Variants in ERBB4 observed in about 807,000 individuals in gnomAD.
ERBB4 encodes the protein receptor tyrosine-protein kinase erbB-4.
ERBB4 carries 42 observed loss-of-function variants against 158.0 expected under a neutral mutation model. That is an observed-to-expected ratio of 0.27 (90% confidence interval 0.21 to 0.34). The LOEUF (loss-of-function observed/expected upper bound fraction) is 0.34. Among genes scored for constraint, ERBB4 ranks in the 10% least tolerant of loss-of-function variants. The probability of loss-of-function intolerance (pLI) is 1.00; values close to 1 mark genes in which losing one functional copy is unlikely to be tolerated. For synonymous variants in ERBB4, 583 were observed against 558.7 expected, an observed-to-expected ratio of 1.04 and a Z score of -0.61; for missense variants, 1,333 against 1,624.1, an observed-to-expected ratio of 0.82 and a Z score of 3.08.
At chr2:211,888,614 T>C (rs1054413580) in intron 3 of ERBB4, among the ~76,000 whole-genome samples, 1 of 152,106 alleles carries the variant, frequency 6.6e-6, no homozygotes, top group African/African-American at 2.4e-5. Flanking sequence ...AGACGGGTGA[T>C]TTCTGCATTT....
intron 1 of ERBB4, among the ~76,000 whole-genome samples, chr2:212,378,929 T>G (rs1430208513): frequency 6.6e-6 from 1 of 151,836 alleles, no homozygotes; most frequent in African/African-American, 2.4e-5. Flanking sequence ...TTAGGTGAGG[T>G]TCTAAAATAT....
chr2:212,418,062 C>G (rs1259817217), intron 1 of ERBB4, among the ~76,000 whole-genome samples: 2 of 151,950 alleles, frequency 1.3e-5, no homozygotes, highest in Non-Finnish European at 2.9e-5. Flanking sequence ...AAGGCCCTTA[C>G]AAATAACTGA....
intron 2 of ERBB4, among the ~76,000 whole-genome samples, chr2:211,968,645 C>A (rs2081370834): frequency 6.6e-6 from 1 of 151,936 alleles, no homozygotes; most frequent in Admixed American, 6.6e-5. Flanking sequence ...CTGAAAATGA[C>A]CATTGGCTTG....
intron 19 of ERBB4, among the ~76,000 whole-genome samples, chr2:211,582,295 T>C (rs757219935): frequency 6.6e-6 from 1 of 152,292 alleles, no homozygotes; most frequent in Non-Finnish European, 1.5e-5. Flanking sequence ...TATTCCCACA[T>C]AACAAACTCT....
intron 1 of ERBB4, among the ~76,000 whole-genome samples, chr2:212,348,010 T>A (rs2089088177): frequency 6.6e-6 from 1 of 152,084 alleles, no homozygotes; most frequent in African/African-American, 2.4e-5. Flanking sequence ...TGGAGGGGTA[T>A]TTTGTCATTT....
intron 1 of ERBB4, among the ~76,000 whole-genome samples, chr2:212,516,021 T>C (rs1205865034): frequency 6.6e-6 from 1 of 151,998 alleles, no homozygotes; most frequent in Non-Finnish European, 1.5e-5. Flanking sequence ...CTAAATGTGT[T>C]GGTCCAAATA....
chr2:211,921,784 G>T (rs890407353), intron 3 of ERBB4, among the ~76,000 whole-genome samples: 1 of 152,036 alleles, frequency 6.6e-6, no homozygotes, highest in Non-Finnish European at 1.5e-5. Flanking sequence ...TCATGGAAAA[G>T]AGTTGGAAGA....
At chr2:211,913,430 G>A (rs115459682) in intron 3 of ERBB4, among the ~76,000 whole-genome samples, 9,409 of 151,784 alleles carry the variant, frequency 0.062, 441 homozygotes, top group Non-Finnish European at 0.09. Flanking sequence ...GTGAAACCTC[G>A]TCTCGACTAA....
chr2:212,025,714 T>A (rs1348481533), intron 2 of ERBB4, among the ~76,000 whole-genome samples: 1 of 151,688 alleles, frequency 6.6e-6, no homozygotes, highest in Non-Finnish European at 1.5e-5. Flanking sequence ...ATACTCAAAC[T>A]GAAAACTAGT....
chr2:211,860,671 A>G (rs1228397564), intron 3 of ERBB4, among the ~76,000 whole-genome samples: 1 of 141,804 alleles, frequency 7.1e-6, no homozygotes, highest in Non-Finnish European at 1.6e-5. Flanking sequence ...TTTTTGCCAT[A>G]TAAATACTTA....
chr2:211,629,343 C>T (rs12151575), intron 17 of ERBB4, among the ~76,000 whole-genome samples: 105,042 of 151,456 alleles, frequency 0.69, 39,064 homozygotes, highest in South Asian at 0.85. Flanking sequence ...TTACAAGGGA[C>T]GTGAAGGACC....
intron 1 of ERBB4, among the ~76,000 whole-genome samples, chr2:212,341,787 A>G (rs1169010298): frequency 6.6e-6 from 1 of 152,202 alleles, no homozygotes; most frequent in Admixed American, 6.5e-5. Context: ...TTGATCTCTG[A>G]GTTTACCTTG....
chr2:211,745,763 A>T lies in ERBB4; in HGVS notation c.622+4876T>A, dbSNP rs569073363. On this transcript the variant is annotated intron_variant, in intron 5 of 27. Coordinates refer to ENST00000342788, the MANE Select transcript of ERBB4 (RefSeq NM_005235.3). ...AAAAAACCCTTAGGTAAGTATACTTATCTCCATTTTATAGATATGGTAATG... is the reference window on the plus strand; with the variant it reads ...AAAAAACCCTTAGGTAAGTATACTTTTCTCCATTTTATAGATATGGTAATG... Among the ~76,000 whole-genome samples the T allele has an allele frequency of 2.5e-4, 38 of 150,498 alleles. No homozygotes were observed. In the South Asian group the frequency reaches 7.9e-3, roughly 31 times the overall value.
rs191671297 is a variant in ERBB4, at chr2:211,539,577, T to C, written c.2487+22326A>G. On this transcript the variant is annotated intron_variant, in intron 20 of 27. Transcript: ENST00000342788. ...ATACATAAATGTCATTCACACACCT[T>C]AAAGCTTTATGGCTCCCTTTCTGCC... Among the ~76,000 whole-genome samples, 163 of 152,084 alleles carry C rather than the reference T, an allele frequency of 1.1e-3. 1 individual carries two copies. The highest frequency in any genetic ancestry group is 3.6e-3 in the African/African-American group (149 of 41,558).
chr2:212,162,431 G>A (rs189279318), intron 1 of ERBB4, among the ~76,000 whole-genome samples: 2 of 151,976 alleles, frequency 1.3e-5, no homozygotes, highest in East Asian at 3.9e-4. Flanking sequence ...ACACACTGGT[G>A]AGGGACATGA....
intron 16 of ERBB4, among the ~76,000 whole-genome samples, chr2:211,641,056 A>ATTTC (rs1362568259): frequency 1.3e-5 from 2 of 152,200 alleles, no homozygotes; most frequent in East Asian, 3.9e-4. Flanking sequence ...AACTTTTACA[A>ATTTC]TTTCTTTACA....
chr2:212,097,355 G>A (rs572435902), intron 2 of ERBB4, among the ~76,000 whole-genome samples: 1 of 152,218 alleles, frequency 6.6e-6, no homozygotes, highest in East Asian at 1.9e-4. Flanking sequence ...GAATAAAGAA[G>A]AGGGTAACAG....
At chr2:212,249,486 GT>G (rs1013063142) in intron 1 of ERBB4, among the ~76,000 whole-genome samples, 16 of 130,806 alleles carry the variant, frequency 1.2e-4, no homozygotes, top group African/African-American at 4.6e-4. Context: ...AAAGCAAGCA[GT>G]TTTTGTCTAT....
At chr2:212,209,358 T>A (rs1368795180) in intron 1 of ERBB4, among the ~76,000 whole-genome samples, 3 of 152,128 alleles carry the variant, frequency 2.0e-5, no homozygotes, top group Non-Finnish European at 4.4e-5. Context: ...AGTTACAAGG[T>A]TATTATCAAA....
Sources: gnomAD v4.1 joint callset for allele counts (sites outside exome capture counted in the v4.1 genomes callset) on GRCh38, gnomAD v4.1.1 for gene constraint, MANE v1.5 for transcripts, NCBI Gene and HGNC (gene_info 2026-07-23, HGNC 2026-07-21) for gene names.